ICA1: variants seen among roughly 807,000 people sequenced by gnomAD.
ICA1 encodes the protein islet cell autoantigen 1, also known as 69 kDa islet cell autoantigen.
In ICA1, 40 loss-of-function variants were observed where a neutral mutation model predicts 71.0. The observed-to-expected ratio is 0.56, with a 90% CI of 0.44 to 0.73. ICA1 has a LOEUF of 0.73. ICA1 is among the 30% of genes least tolerant of loss of function. ICA1 has a pLI of 0.00. For synonymous variants in ICA1, 207 were observed against 209.5 expected (o/e 0.99, Z 0.10); for missense variants, 578 against 576.5 (o/e 1.00, Z -0.03).
chr7:8,127,508 GA>G (rs1789714950), intron 13 of ICA1, among the ~76,000 whole-genome samples: 1 of 152,152 alleles, frequency 6.6e-6, no homozygotes, highest in Non-Finnish European at 1.5e-5. Flanking sequence ...CAGCACCCAG[GA>G]AGAGGGCATG....
At chr7:8,196,320 G>A (rs1448144053) in intron 6 of ICA1, among the ~76,000 whole-genome samples, 1 of 152,224 alleles carries the variant, frequency 6.6e-6, no homozygotes, top group African/African-American at 2.4e-5. Flanking sequence ...TATGAAGGCA[G>A]TAAAAAGATC....
At chr7:8,157,005 C>T in intron 8 of ICA1, 111 bp downstream of exon 8, 1 of 1,597,648 alleles carries the variant, frequency 6.3e-7, no homozygotes, top group Non-Finnish European at 8.5e-7. Context: ...GTTCTCTCTT[C>T]AGCATTCTGA....
intron 8 of ICA1, among the ~76,000 whole-genome samples, chr7:8,153,050 C>A (rs984560389): frequency 1.3e-5 from 2 of 152,182 alleles, no homozygotes; most frequent in Admixed American, 6.5e-5. Flanking sequence ...CTGCCATCAC[C>A]AGCATCACCA....
intron 7 of ICA1, 191 bp downstream of exon 7, chr7:8,158,336 T>G: frequency 1.6e-6 from 1 of 621,804 alleles, no homozygotes; most frequent in Non-Finnish European, 2.7e-6. Flanking sequence ...TTATGGTATA[T>G]ACAGGAAATA....
intron 5 of ICA1, among the ~76,000 whole-genome samples, chr7:8,220,589 G>C (rs1269603575): frequency 6.6e-6 from 1 of 152,150 alleles, no homozygotes; most frequent in Non-Finnish European, 1.5e-5. Context: ...GGCGCAGAGA[G>C]TGACTGTGTG....
intron 8 of ICA1, among the ~76,000 whole-genome samples, chr7:8,148,810 T>C (rs935996825): frequency 6.6e-6 from 1 of 151,988 alleles, no homozygotes; most frequent in Non-Finnish European, 1.5e-5. Context: ...ATGGTATACA[T>C]TGAAGATATA....
At chr7:8,148,936 T>A (rs945988735) in intron 8 of ICA1, among the ~76,000 whole-genome samples, 2 of 152,206 alleles carry the variant, frequency 1.3e-5, no homozygotes, top group Non-Finnish European at 2.9e-5. Flanking sequence ...TAGACTGCTC[T>A]CCCCGACGTT....
chr7:8,129,009 T>G (rs569932004), intron 12 of ICA1, among the ~76,000 whole-genome samples: 1 of 152,324 alleles, frequency 6.6e-6, no homozygotes, highest in African/African-American at 2.4e-5. Flanking sequence ...TTAAACCTAA[T>G]TGCCTTTCCA....
At chr7:8,175,189 G>C (rs753610000) in intron 6 of ICA1, among the ~76,000 whole-genome samples, 6 of 152,154 alleles carry the variant, frequency 3.9e-5, no homozygotes, top group Non-Finnish European at 5.9e-5. Context: ...CCTTGCTCAA[G>C]GAGGGAGCAG....
chr7:8,200,338 C>CAAAAAAAAAAAAAAAAAAA (rs34371233), intron 6 of ICA1, among the ~76,000 whole-genome samples: 1 of 67,962 alleles, frequency 1.5e-5, no homozygotes, highest in Non-Finnish European at 2.6e-5. Context: ...CACAGTTGAG[C>CAAAAAAAAAAAAAAAAAAA]AAAAAAAAAA....
intron 8 of ICA1, among the ~76,000 whole-genome samples, chr7:8,155,473 T>C (rs1193602973): frequency 6.6e-6 from 1 of 152,262 alleles, no homozygotes; most frequent in East Asian, 1.9e-4. Flanking sequence ...GGTTCTTCCA[T>C]GCTTGTGGCA....
intron 1 of ICA1, among the ~76,000 whole-genome samples, chr7:8,259,251 C>T (rs544933870): frequency 5.3e-5 from 8 of 152,286 alleles, no homozygotes; most frequent in African/African-American, 9.6e-5. Context: ...GTAGCAGGCA[C>T]GCTAAGATTT....
At chr7:8,152,574 AC>A (rs1283847175) in intron 8 of ICA1, among the ~76,000 whole-genome samples, 1,610 of 123,400 alleles carry the variant, frequency 0.013, 9 homozygotes, top group Non-Finnish European at 0.023. Flanking sequence ...CACCACCACC[AC>A]CATCTCCTTC....
intron 1 of ICA1, among the ~76,000 whole-genome samples, chr7:8,245,630 A>G (rs1583760371): frequency 6.6e-6 from 1 of 152,200 alleles, no homozygotes; most frequent in Admixed American, 6.5e-5. Flanking sequence ...ATTTAAAAAC[A>G]GTGAAATTAA....
intron 6 of ICA1, among the ~76,000 whole-genome samples, chr7:8,184,804 G>A (rs1400227643): frequency 3.0e-4 from 46 of 152,326 alleles, no homozygotes; most frequent in South Asian, 2.1e-4. Context: ...GCGGGGTGCC[G>A]TGGCTTGCAC....
chr7:8,234,124 G>C lies in ICA1; in HGVS notation c.18-1369C>G, dbSNP rs565603311. Among the ~76,000 whole-genome samples, 1 of 152,166 alleles carries C rather than the reference G, an allele frequency of 6.6e-6. No homozygotes were observed. Among genetic ancestry groups the C allele is most frequent in the Non-Finnish European group, 1.5e-5 (1 of 68,026 alleles). On this transcript the variant is annotated intron_variant, in intron 2 of 13. Coordinates refer to ENST00000402384, the MANE Select transcript of ICA1 (RefSeq NM_001136020.3). The surrounding 1 kb of genome is among the most constrained non-coding windows in gnomAD (Gnocchi z 4.5). ...AAAGCTACTCAGCAGACTGAAGTGG[G>C]TGGATTGTTCAAGTCCAGGAGTTTG...
intron 13 of ICA1, among the ~76,000 whole-genome samples, chr7:8,120,037 C>T (rs987020666): frequency 2.6e-5 from 4 of 152,072 alleles, no homozygotes; most frequent in Non-Finnish European, 5.9e-5. Context: ...ACCTAGAACC[C>T]ATGGATTTGG....
chr7:8,259,299 A>C (rs1407504087), intron 1 of ICA1, among the ~76,000 whole-genome samples: 1 of 152,144 alleles, frequency 6.6e-6, no homozygotes, highest in African/African-American at 2.4e-5. Context: ...GCCACATGCT[A>C]CTGGTCCATG....
intron 6 of ICA1, among the ~76,000 whole-genome samples, chr7:8,190,922 G>T (rs903236095): frequency 6.6e-6 from 1 of 152,150 alleles, no homozygotes; most frequent in Admixed American, 6.5e-5. Context: ...AAACATTCTG[G>T]AAAGTTAAAC....
Sources: gnomAD v4.1 joint callset for allele counts (sites outside exome capture counted in the v4.1 genomes callset) on GRCh38, gnomAD v4.1.1 for gene constraint, Gnocchi (gnomAD v3.1) non-coding constraint, MANE v1.5 for transcripts, NCBI Gene and HGNC (gene_info 2026-07-23, HGNC 2026-07-21) for gene names.